SLC38A6: variants seen among roughly 807,000 people sequenced by gnomAD.
The protein encoded by SLC38A6 is solute carrier family 38 member 6, also known as N system amino acid transporter NAT-1.
SLC38A6 carries 73 observed loss-of-function variants against 65.0 expected under a neutral mutation model. The ratio of observed to expected loss-of-function variants is 1.12; its 90% CI spans 0.93 to 1.37. The LOEUF (loss-of-function observed/expected upper bound fraction) is 1.37, where lower values mean the gene tolerates loss of function less well. Among genes scored for constraint, SLC38A6 ranks in the 40% most tolerant of loss-of-function variants. SLC38A6 has a pLI of 0.00. For missense variants in SLC38A6, 561 were observed against 531.1 expected (o/e 1.06, Z -0.55); for synonymous variants, 183 against 178.8 (o/e 1.02, Z -0.19).
intron 3 of SLC38A6, among the ~76,000 whole-genome samples, chr14:61,015,608 A>G (rs1223620752): frequency 6.6e-6 from 1 of 152,266 alleles, no homozygotes; most frequent in African/African-American, 2.4e-5. Flanking sequence ...ATGTTTTACA[A>G]AGACATCTGA....
intron 6 of SLC38A6, among the ~76,000 whole-genome samples, chr14:61,032,108 T>TA (rs949351938): frequency 7.2e-5 from 11 of 151,980 alleles, no homozygotes; most frequent in Admixed American, 2.0e-4. Flanking sequence ...ATAATTACTA[T>TA]ATTAAACGTG....
At chr14:61,008,486 T>C (rs960854388) in intron 3 of SLC38A6, among the ~76,000 whole-genome samples, 1 of 152,190 alleles carries the variant, frequency 6.6e-6, no homozygotes, top group Non-Finnish European at 1.5e-5. Context: ...TGAGAAATGA[T>C]GAGCCATATC....
chr14:61,029,249 A>G (rs781717118), intron 5 of SLC38A6, among the ~76,000 whole-genome samples: 15 of 145,846 alleles, frequency 1.0e-4, no homozygotes, highest in Non-Finnish European at 6.0e-5. Flanking sequence ...TCCGCCTTCC[A>G]GTTTCAAGCG....
At chr14:60,999,655 A>G (rs2038562445) in intron 3 of SLC38A6, among the ~76,000 whole-genome samples, 1 of 152,342 alleles carries the variant, frequency 6.6e-6, no homozygotes, top group Non-Finnish European at 1.5e-5. Flanking sequence ...AGATGTTGAG[A>G]TGGAGAGATT....
At chr14:61,028,878 G>A (rs1265974362) in intron 5 of SLC38A6, among the ~76,000 whole-genome samples, 4 of 152,124 alleles carry the variant, frequency 2.6e-5, no homozygotes, top group East Asian at 3.9e-4. Flanking sequence ...AAATTTACAC[G>A]CAAAGTAGCA....
intron 8 of SLC38A6, among the ~76,000 whole-genome samples, chr14:61,039,204 C>A (rs1313752152): frequency 1.3e-5 from 2 of 152,102 alleles, no homozygotes; most frequent in East Asian, 3.8e-4. Flanking sequence ...TCTAATGTAG[C>A]AGCCATATGG....
intron 3 of SLC38A6, among the ~76,000 whole-genome samples, chr14:61,005,224 C>A (rs533518782): frequency 1.3e-5 from 2 of 151,954 alleles, no homozygotes; most frequent in African/African-American, 4.8e-5. Context: ...CAGCCAATAT[C>A]ATACTGAATG....
intron 12 of SLC38A6, among the ~76,000 whole-genome samples, chr14:61,049,625 A>G (rs546454703): frequency 5.3e-5 from 8 of 152,274 alleles, no homozygotes; most frequent in African/African-American, 1.4e-4. Flanking sequence ...ACTTTCTATC[A>G]TAGCTATGTG....
intron 15 of SLC38A6, among the ~76,000 whole-genome samples, chr14:61,062,120 G>A (rs1198544237): frequency 1.3e-5 from 2 of 152,116 alleles, no homozygotes; most frequent in Admixed American, 6.5e-5. Context: ...CATGAGCCAC[G>A]ATGCCCAGCC....
chr14:61,032,802 A>G (rs2041091590), intron 6 of SLC38A6, among the ~76,000 whole-genome samples: 2 of 151,914 alleles, frequency 1.3e-5, no homozygotes, highest in Admixed American at 6.6e-5. Context: ...ATAGACTTAC[A>G]GTAGGCAGTA....
intron 3 of SLC38A6, among the ~76,000 whole-genome samples, chr14:61,000,966 T>C (rs2038670759): frequency 6.6e-6 from 1 of 152,248 alleles, no homozygotes; most frequent in Non-Finnish European, 1.5e-5. Context: ...TATTTTGATG[T>C]GTTTTTCTTC....
chr14:61,021,421 G>A (rs1238038981), intron 5 of SLC38A6, among the ~76,000 whole-genome samples: 1 of 152,162 alleles, frequency 6.6e-6, no homozygotes, highest in African/African-American at 2.4e-5. Context: ...CTACAGAGAA[G>A]CTGTTTTGGG....
intron 3 of SLC38A6, among the ~76,000 whole-genome samples, chr14:61,005,182 C>T (rs536948597): frequency 1.1e-4 from 16 of 152,214 alleles, no homozygotes; most frequent in South Asian, 4.2e-4. Context: ...GGACGTATCT[C>T]CAAATTAGAA....
intron 15 of SLC38A6, 86 bp from the exon 16 acceptor site, chr14:61,052,263 A>G: frequency 3.1e-6 from 4 of 1,306,202 alleles, no homozygotes; most frequent in Non-Finnish European, 4.2e-6. Context: ...TGCAGAGAGT[A>G]GAGATTTAAC....
intron 1 of SLC38A6, 186 bp downstream of exon 1, chr14:60,981,568 TAGC>T: frequency 6.6e-7 from 1 of 1,523,742 alleles, no homozygotes; most frequent in Non-Finnish European, 8.8e-7. Context: ...ATGAACGTGA[TAGC>T]AGCCTAGCAT....
chr14:61,047,946 G>A (rs371444061), intron 12 of SLC38A6, among the ~76,000 whole-genome samples: 6 of 151,652 alleles, frequency 4.0e-5, no homozygotes, highest in African/African-American at 1.4e-4. Flanking sequence ...TGGATGAATA[G>A]ATGATAGATT....
chr14:61,050,751 C>G (rs1427957611), intron 13 of SLC38A6, 115 bp downstream of exon 13: 1 of 980,070 alleles, frequency 1.0e-6, no homozygotes, highest in African/African-American at 1.7e-5. Flanking sequence ...ATCTTATTCA[C>G]TTGTCAAGTA....
At chr14:61,029,089 G>A (rs2139649123) in intron 5 of SLC38A6, among the ~76,000 whole-genome samples, 1 of 151,126 alleles carries the variant, frequency 6.6e-6, no homozygotes, top group African/African-American at 2.4e-5. Context: ...TAAGGAGAAA[G>A]TGAAATGTTT....
At position 61,012,871 on chromosome 14, in the gene SLC38A6, T is replaced by A. The variant is rs181733654; in HGVS notation, c.311-3033T>A. 1.0e-3 allele frequency among the ~76,000 whole-genome samples: 159 copies of A among 152,124 alleles called. 2 individuals carry two copies. In the East Asian group the frequency reaches 0.022, roughly 21 times the overall value. ...AGAATGTGTATTCTGTTGATTTGGG[T>A]TGGAGAGTTCTGTAGATGTCTATTA... On this transcript the variant is annotated intron_variant, in intron 3 of 15. Coordinates refer to ENST00000267488, the MANE Select transcript of SLC38A6 (RefSeq NM_153811.3).
Sources: allele counts gnomAD v4.1 joint callset (sites outside exome capture counted in the v4.1 genomes callset), GRCh38; gene constraint gnomAD v4.1.1; transcripts MANE v1.5; gene names NCBI Gene and HGNC (gene_info 2026-07-23, HGNC 2026-07-21).